Variants in OR2C1 observed in about 807,000 individuals in gnomAD.
OR2C1 encodes olfactory receptor family 2 subfamily C member 1.
For missense variants in OR2C1, 468 were observed against 388.3 expected, an observed-to-expected ratio of 1.21 and a Z score of -1.73; for synonymous variants, 209 against 167.3, an observed-to-expected ratio of 1.25 and a Z score of -1.92.
At chr16:3,342,120 A>G in the OR2C1 span, among the ~76,000 whole-genome samples, 2 of 152,130 alleles carry the variant, frequency 1.3e-5, no homozygotes, top group Non-Finnish European at 2.9e-5. Flanking sequence ...GCGTGGTGGC[A>G]CACGTCTGTA....
chr16:3,350,315 A>G, the OR2C1 span, among the ~76,000 whole-genome samples: 2 of 151,918 alleles, frequency 1.3e-5, no homozygotes, highest in African/African-American at 4.8e-5. Flanking sequence ...TCGGACTCCC[A>G]AAGTGCTGAG....
the OR2C1 span, among the ~76,000 whole-genome samples, chr16:3,340,408 A>G: frequency 2.6e-5 from 4 of 152,290 alleles, no homozygotes; most frequent in South Asian, 4.1e-4. Flanking sequence ...CTCTACCTCT[A>G]TAGATTTTCT....
At chr16:3,336,587 C>G in the OR2C1 span, among the ~76,000 whole-genome samples, 1 of 151,324 alleles carries the variant, frequency 6.6e-6, no homozygotes, top group African/African-American at 2.4e-5. Flanking sequence ...TCTTGAACTC[C>G]TGACCTCAGG....
Position 3,356,266 on chromosome 16 carries a change from C to T in OR2C1, c.326C>T (p.Ala109Val), listed in dbSNP as rs753696766. The T allele has an allele frequency of 1.2e-5, 20 of 1,613,860 alleles. No homozygotes were observed. Among genetic ancestry groups the T allele is most frequent in the Non-Finnish European group, 1.7e-5 (20 of 1,180,000 alleles). The change falls in exon 1 of 1, where the codon GCC becomes GTC. Residue 109 changes from alanine to valine, a missense_variant. By Grantham distance (64) the Ala-to-Val change is moderately conservative (BLOSUM62 0). Transcript: ENST00000304936. Reference protein sequence around the residue: ...TQLYVFLWLGATECILLVVMA... With the variant: ...TQLYVFLWLGVTECILLVVMA... ...CTCTATGTCTTCCTTTGGCTGGGGG[C>T]CACCGAGTGCATCCTGCTGGTGGTG...
the OR2C1 span, among the ~76,000 whole-genome samples, chr16:3,342,152 G>A: frequency 1.3e-5 from 2 of 152,162 alleles, no homozygotes; most frequent in African/African-American, 4.8e-5. Context: ...CTGGGAGGCT[G>A]AGGAGGGAGA....
the OR2C1 span, among the ~76,000 whole-genome samples, chr16:3,342,355 T>G: frequency 6.6e-6 from 1 of 152,178 alleles, no homozygotes; most frequent in South Asian, 2.1e-4. Flanking sequence ...AAGGTCAACA[T>G]AGACCAAATT....
At chr16:3,348,254 T>C in the OR2C1 span, among the ~76,000 whole-genome samples, 1 of 152,124 alleles carries the variant, frequency 6.6e-6, no homozygotes, top group Non-Finnish European at 1.5e-5. Context: ...TAAAATATAG[T>C]ATTTAAGAGA....
the OR2C1 span, among the ~76,000 whole-genome samples, chr16:3,344,226 A>G: frequency 1.3e-5 from 2 of 152,138 alleles, no homozygotes; most frequent in African/African-American, 4.8e-5. Flanking sequence ...CATTTAAAAA[A>G]AACAAAACAA....
At chr16:3,324,917 A>G in the OR2C1 span, among the ~76,000 whole-genome samples, 1 of 152,214 alleles carries the variant, frequency 6.6e-6, no homozygotes, top group Non-Finnish European at 1.5e-5. Flanking sequence ...TTTCCAGTAC[A>G]TATAAAAAAG....
At chr16:3,323,403 C>T in the OR2C1 span, 1 of 800,652 alleles carries the variant, frequency 1.2e-6, no homozygotes, top group Admixed American at 1.7e-5. Context: ...CCCAGGTGCT[C>T]CTCAATCACT....
Position 3,356,771 on chromosome 16 carries a change from C to T in OR2C1, c.831C>T (p.Phe277=). The change falls in exon 1 of 1, where the codon TTC becomes TTT. Residue 277 remains phenylalanine, a synonymous_variant. Coordinates refer to ENST00000304936, the MANE Select transcript of OR2C1 (RefSeq NM_012368.3). ...ACCAGGGCAAGTTCATTTCCCTGTT[C>T]TACTCGTTGGTCACACCCATGGTGA... ...KQDQGKFISL[F]YSLVTPMVNP... 1.9e-6 allele frequency: 3 copies of T among 1,614,180 alleles called. No homozygotes were observed. The highest frequency in any genetic ancestry group is 2.5e-6 in the Non-Finnish European group (3 of 1,180,032).
chr16:3,350,845 G>A, the OR2C1 span, among the ~76,000 whole-genome samples: 6 of 151,134 alleles, frequency 4.0e-5, no homozygotes, highest in African/African-American at 1.5e-4. Flanking sequence ...ACTCTGTTCT[G>A]GGAACAGAGT....
upstream of OR2C1, among the ~76,000 whole-genome samples, chr16:3,352,738 CTTTTTTTT>C (rs56083973): frequency 8.8e-6 from 1 of 113,124 alleles, no homozygotes; most frequent in African/African-American, 3.4e-5. Context: ...TTCTTTCTTT[CTTTTTTTT>C]TTTTTTTTTT....
the OR2C1 span, among the ~76,000 whole-genome samples, chr16:3,349,594 T>C: frequency 2.0e-5 from 3 of 152,030 alleles, no homozygotes; most frequent in Non-Finnish European, 2.9e-5. Flanking sequence ...CAAAGGTACA[T>C]TTCCATAAAC....
chr16:3,338,228 T>A, the OR2C1 span, among the ~76,000 whole-genome samples: 2 of 152,234 alleles, frequency 1.3e-5, no homozygotes, highest in African/African-American at 4.8e-5. Flanking sequence ...ATTTCAGGGT[T>A]GGGAATGGTA....
chr16:3,333,029 C>T, the OR2C1 span, among the ~76,000 whole-genome samples: 5 of 151,972 alleles, frequency 3.3e-5, no homozygotes, highest in Non-Finnish European at 5.9e-5. Flanking sequence ...TCCACATCCT[C>T]GCCAGCAGCT....
At position 3,357,014 on chromosome 16, in the gene OR2C1, G is replaced by A. The variant is rs564411311; in HGVS notation, c.*135G>A. 6.0e-5 allele frequency: 45 copies of A among 744,680 alleles called. No individual in the cohort carries two copies. The South Asian group carries it at 8.6e-4, about 14-fold the overall frequency. The allele number at this position is 744,680 out of a possible 1,614,324, so 46.1% of individuals were successfully genotyped here. The stretch of plus-strand genomic sequence containing the variant: ...TGTTCCTGACAGCCCTAAGCTGACA[G>A]CCCTAAGCTGTTGGGAACATGGTTA... On this transcript the variant is annotated 3_prime_UTR_variant, in exon 1 of 1. Coordinates refer to ENST00000304936, the MANE Select transcript of OR2C1 (RefSeq NM_012368.3).
chr16:3,347,825 CAT>C, the OR2C1 span, among the ~76,000 whole-genome samples: 7 of 99,052 alleles, frequency 7.1e-5, no homozygotes, highest in African/African-American at 1.9e-4. Context: ...CACGAACACA[CAT>C]GCACACACAT....
At chr16:3,334,432 C>T in the OR2C1 span, among the ~76,000 whole-genome samples, 1 of 151,412 alleles carries the variant, frequency 6.6e-6, no homozygotes, top group Non-Finnish European at 1.5e-5. Flanking sequence ...CACCTCAGCA[C>T]AGCCTGCTAA....
Sources: allele counts gnomAD v4.1 joint callset (sites outside exome capture counted in the v4.1 genomes callset), GRCh38; gene constraint gnomAD v4.1.1; transcripts MANE v1.5; gene names NCBI Gene and HGNC (gene_info 2026-07-23, HGNC 2026-07-21).